The following STIMATE variants were observed in gnomAD, a reference collection of about 807,000 sequenced individuals.
STIMATE encodes the protein STIM activating enhancer.
In STIMATE, 15 loss-of-function variants were observed where a neutral mutation model predicts 36.7. The observed-to-expected ratio is 0.41, with a 90% CI of 0.27 to 0.63. The LOEUF is 0.63. Among genes scored for constraint, STIMATE ranks in the 20% least tolerant of loss-of-function variants. The pLI is 0.32. For synonymous variants in STIMATE, 163 were observed against 162.3 expected (o/e 1.00, Z -0.03); for missense variants, 305 against 397.3 (o/e 0.77, Z 1.98).
intron 1 of STIMATE, among the ~76,000 whole-genome samples, chr3:52,882,910 T>C (rs1701632271): frequency 6.6e-6 from 1 of 152,106 alleles, no homozygotes; most frequent in Non-Finnish European, 1.5e-5. Context: ...CGAGAGCACT[T>C]GATTTCCCAG....
At chr3:52,864,122 G>A (rs1172311542) in intron 1 of STIMATE, among the ~76,000 whole-genome samples, 1 of 152,194 alleles carries the variant, frequency 6.6e-6, no homozygotes, top group African/African-American at 2.4e-5. Flanking sequence ...TCCGTGTGGG[G>A]GCTCCGACCT....
intron 1 of STIMATE, among the ~76,000 whole-genome samples, chr3:52,893,210 A>C (rs1701809502): frequency 6.6e-6 from 1 of 152,184 alleles, no homozygotes; most frequent in Non-Finnish European, 1.5e-5. Flanking sequence ...GTGACTATGG[A>C]CTGGATATGA....
chr3:52,865,241 G>T (rs143017227), intron 1 of STIMATE, among the ~76,000 whole-genome samples: 1 of 152,134 alleles, frequency 6.6e-6, no homozygotes, highest in African/African-American at 2.4e-5. Flanking sequence ...CACGGTGCCC[G>T]ACTGCCATTC....
rs563622429 is a variant in STIMATE at position 52,859,531 on chromosome 3, A to AT, written c.161-4088dup. On this transcript the variant is annotated intron_variant, in intron 1 of 7. Coordinates refer to ENST00000355083, the MANE Select transcript of STIMATE (RefSeq NM_198563.5). ...AAAAAAAAAAAAAAAAAAAAAAAAA[A>AT]TTTTTTTTTTTTTTTTTTTTTTGCT... 3.9e-3 allele frequency among the ~76,000 whole-genome samples: 73 copies of AT among 18,832 alleles called. 7 individuals are homozygous for AT. Among genetic ancestry groups the AT allele is most frequent in the South Asian group, 6.5e-3 (2 of 310 alleles). The allele number at this position is 18,832 out of a possible 152,430, so 12.4% of individuals were successfully genotyped here.
intron 1 of STIMATE, among the ~76,000 whole-genome samples, chr3:52,886,768 C>G (rs1188847226): frequency 6.6e-6 from 1 of 152,198 alleles, no homozygotes. Context: ...AGGAGCAACC[C>G]TACCCCAGTT....
intron 1 of STIMATE, among the ~76,000 whole-genome samples, chr3:52,885,501 C>T (rs1701675106): frequency 6.6e-6 from 1 of 152,208 alleles, no homozygotes; most frequent in Non-Finnish European, 1.5e-5. Flanking sequence ...TCAACAACGT[C>T]TCTCTGCTCT....
rs1575329384 is a variant in STIMATE at position 52,852,530 on chromosome 3, G to T, written c.305+73C>A. 9 of 1,584,194 alleles carry T rather than the reference G, an allele frequency of 5.7e-6. No individual in the cohort carries two copies. The East Asian group carries it at 2.0e-4, about 35-fold the overall frequency. On this transcript the variant is annotated intron_variant, in intron 3 of 7. Transcript: ENST00000355083. ...CAAGCCAGAGGGAGCAGGACCAGCA[G>T]CAGAAAGCAAGGCCAGCCTATATTT...
At position 52,838,601 on chromosome 3, in the gene STIMATE, T is replaced by C. The variant is rs1422589558; in HGVS notation, c.*1893A>G. ...GCTGTGGATGGGAGGGAGCACAAAGTCAATCCGAGCAGGAATGACACCAGC... is the reference window on the plus strand; with the variant it reads ...GCTGTGGATGGGAGGGAGCACAAAGCCAATCCGAGCAGGAATGACACCAGC... On this transcript the variant is annotated 3_prime_UTR_variant, in exon 8 of 8. Coordinates refer to ENST00000355083, the MANE Select transcript of STIMATE (RefSeq NM_198563.5). 6.6e-6 allele frequency: 1 copy of C among 152,094 alleles called. No homozygotes were observed. The highest frequency in any genetic ancestry group is 1.5e-5 in the Non-Finnish European group (1 of 68,028). The allele number at this position is 152,094 out of a possible 1,614,324, so 9.4% of individuals were successfully genotyped here. A position where few individuals can be genotyped will look rare whatever the true frequency, so the allele number is the denominator to read the frequency against.
chr3:52,858,887 G>A (rs1025056173), intron 1 of STIMATE, among the ~76,000 whole-genome samples: 2 of 151,962 alleles, frequency 1.3e-5, no homozygotes, highest in East Asian at 1.9e-4. Context: ...GGCCAGGCGT[G>A]GTGGCTCACA....
chr3:52,891,194 AAG>A lies in STIMATE; in HGVS notation c.160+6095_160+6096del, dbSNP rs1189626612. Among the ~76,000 whole-genome samples, 4 of 152,298 alleles carry A rather than the reference AAG, an allele frequency of 2.6e-5. No individual in the cohort carries two copies. The East Asian group carries it at 7.7e-4, about 29-fold the overall frequency. ...TAATCAGAAAGTGAACCTGTGTGGA[AAG>A]AGGGGTGGAAAAAGCCGGCAGGCAC... On this transcript the variant is annotated intron_variant, in intron 1 of 7. Coordinates refer to ENST00000355083, the MANE Select transcript of STIMATE (RefSeq NM_198563.5).
intron 1 of STIMATE, among the ~76,000 whole-genome samples, chr3:52,887,475 C>T (rs1271102558): frequency 6.6e-6 from 1 of 152,204 alleles, no homozygotes; most frequent in African/African-American, 2.4e-5. Context: ...GGGCAGTAGG[C>T]TCAGGAGCCT....
chr3:52,896,586 G>A (rs1459536930), intron 1 of STIMATE, among the ~76,000 whole-genome samples: 1 of 152,170 alleles, frequency 6.6e-6, no homozygotes, highest in East Asian at 1.9e-4. Context: ...AAGTGGAAAG[G>A]GAACAGCCAG....
intron 1 of STIMATE, among the ~76,000 whole-genome samples, chr3:52,887,922 T>C (rs746837745): frequency 5.3e-5 from 8 of 151,114 alleles, no homozygotes; most frequent in Non-Finnish European, 1.0e-4. Context: ...AAAAATTCAA[T>C]ATGTAATCTG....
At chr3:52,896,675 G>C (rs955400594) in intron 1 of STIMATE, among the ~76,000 whole-genome samples, 3 of 152,182 alleles carry the variant, frequency 2.0e-5, no homozygotes, top group Non-Finnish European at 4.4e-5. Context: ...AGAAACGAGA[G>C]GAAGGGGATC....
intron 1 of STIMATE, among the ~76,000 whole-genome samples, chr3:52,864,774 C>T (rs1213418915): frequency 1.3e-5 from 2 of 152,152 alleles, no homozygotes; most frequent in Non-Finnish European, 2.9e-5. Flanking sequence ...CAAAGTTCCA[C>T]AGATCTCTAG....
chr3:52,845,634 C>T (rs578116320), intron 4 of STIMATE, among the ~76,000 whole-genome samples: 60 of 152,332 alleles, frequency 3.9e-4, no homozygotes, highest in African/African-American at 1.3e-3. Context: ...CCATCTGGGA[C>T]CCCTTCAGTC....
At chr3:52,844,774 G>T in intron 5 of STIMATE, 55 bp downstream of exon 5, 1 of 1,593,134 alleles carries the variant, frequency 6.3e-7, no homozygotes, top group South Asian at 1.1e-5. Flanking sequence ...TGATGGGGAG[G>T]AAGTGCTGCT....
intron 1 of STIMATE, among the ~76,000 whole-genome samples, chr3:52,878,067 C>T: frequency 6.7e-6 from 1 of 150,160 alleles, no homozygotes; most frequent in Non-Finnish European, 1.5e-5. Context: ...GCACTCCAGC[C>T]TGGGCGACAG....
chr3:52,895,833 T>C, intron 1 of STIMATE: 1 of 1,234,870 alleles, frequency 8.1e-7, no homozygotes, highest in Non-Finnish European at 1.1e-6. Context: ...AAAGGAAGGC[T>C]GTCTGGAGGA....
Sources: allele counts gnomAD v4.1 joint callset (sites outside exome capture counted in the v4.1 genomes callset), GRCh38; gene constraint gnomAD v4.1.1; transcripts MANE v1.5; gene names NCBI Gene and HGNC (gene_info 2026-07-23, HGNC 2026-07-21).